PPFIA2: variants seen among roughly 807,000 people sequenced by gnomAD.
The protein encoded by PPFIA2 is PPFI scaffold protein A2, also known as liprin-alpha-2.
A neutral mutation model predicts 175.5 loss-of-function variants in PPFIA2; 46 were observed. That is an observed-to-expected ratio of 0.26 (90% confidence interval 0.21 to 0.34). The LOEUF is 0.34. PPFIA2 is among the 10% of genes least tolerant of loss of function. The pLI, the probability that PPFIA2 is intolerant of heterozygous loss-of-function variation, is 1.00. For synonymous variants in PPFIA2, 568 were observed against 511.4 expected (o/e 1.11, Z -1.49); for missense variants, 1,179 against 1,506.1 (o/e 0.78, Z 3.60).
chr12:81,689,458 A>G (rs1244869106), intron 3 of PPFIA2, among the ~76,000 whole-genome samples: 2 of 152,034 alleles, frequency 1.3e-5, no homozygotes, highest in African/African-American at 4.8e-5. Flanking sequence ...ACCAAATAAT[A>G]CTATTGAATG....
At chr12:81,418,722 A>C (rs2045752832) in intron 7 of PPFIA2, among the ~76,000 whole-genome samples, 1 of 151,984 alleles carries the variant, frequency 6.6e-6, no homozygotes, top group South Asian at 2.1e-4. Flanking sequence ...AAAACTGTTC[A>C]AATGGATACA....
chr12:81,380,962 CTGTGTGTGTGTGTGTGTGTGTGTG>C (rs71098139), intron 9 of PPFIA2, among the ~76,000 whole-genome samples: 1 of 137,500 alleles, frequency 7.3e-6, no homozygotes, highest in Non-Finnish European at 1.5e-5. Flanking sequence ...TTTCACAGTG[CTGTGTGTGTGTGTGTGTGTGTGTG>C]TGTGTGTGTG....
At chr12:81,707,322 C>A (rs1204739514) in intron 3 of PPFIA2, among the ~76,000 whole-genome samples, 5 of 151,964 alleles carry the variant, frequency 3.3e-5, no homozygotes, top group Non-Finnish European at 1.5e-5. Context: ...AACAAATTTA[C>A]AAGAAAAAAA....
intron 4 of PPFIA2, chr12:81,545,223 A>C (rs2066805774): frequency 2.0e-5 from 3 of 152,240 alleles, no homozygotes. Context: ...ACTGTTTACT[A>C]TTCCCTTTCC....
At chr12:81,267,322 T>TA (rs1303299094) in intron 29 of PPFIA2, 1 of 426,376 alleles carries the variant, frequency 2.3e-6, no homozygotes, top group African/African-American at 2.1e-5. Flanking sequence ...CTGAAATATG[T>TA]AAAAACAAAA....
intron 3 of PPFIA2, among the ~76,000 whole-genome samples, chr12:81,731,895 C>A (rs1057247277): frequency 1.3e-5 from 2 of 151,614 alleles, no homozygotes; most frequent in African/African-American, 4.8e-5. Context: ...CATGAGCTAT[C>A]AATTCTGGTT....
chr12:81,315,719 T>C (rs954124176), intron 22 of PPFIA2, among the ~76,000 whole-genome samples: 2 of 151,556 alleles, frequency 1.3e-5, no homozygotes, highest in South Asian at 4.1e-4. Flanking sequence ...GAATGGGTGA[T>C]CTATGTGGAT....
At chr12:81,542,440 G>A (rs999540913) in intron 4 of PPFIA2, among the ~76,000 whole-genome samples, 8 of 152,142 alleles carry the variant, frequency 5.3e-5, no homozygotes, top group Non-Finnish European at 1.2e-4. Context: ...CCACAGGGCA[G>A]ACACAGGAAA....
chr12:81,283,805 GT>G (rs1415564734), intron 25 of PPFIA2, among the ~76,000 whole-genome samples: 1 of 151,788 alleles, frequency 6.6e-6, no homozygotes. Flanking sequence ...TTTTTTGGGG[GT>G]TTTTTTGGTC....
chr12:81,619,472 A>C (rs1405273395), intron 4 of PPFIA2, among the ~76,000 whole-genome samples: 2 of 152,182 alleles, frequency 1.3e-5, no homozygotes, highest in African/African-American at 4.8e-5. Flanking sequence ...GGACTAGTTT[A>C]TATCTTCACT....
intron 4 of PPFIA2, among the ~76,000 whole-genome samples, chr12:81,658,631 T>C (rs996902545): frequency 9.9e-5 from 15 of 152,110 alleles, no homozygotes; most frequent in Admixed American, 6.5e-4. Context: ...ACCTGTTCTA[T>C]TTGCTGTAGA....
intron 21 of PPFIA2, among the ~76,000 whole-genome samples, chr12:81,333,533 G>C (rs1594956887): frequency 6.6e-6 from 1 of 152,100 alleles, no homozygotes; most frequent in Admixed American, 6.6e-5. Context: ...TAGCAGAGTA[G>C]AGTAGAAAAA....
intron 8 of PPFIA2, among the ~76,000 whole-genome samples, chr12:81,392,827 A>G (rs2040398176): frequency 2.0e-5 from 3 of 151,944 alleles, no homozygotes; most frequent in African/African-American, 7.2e-5. Context: ...ATTAGTGAGA[A>G]CTTCACTTTT....
chr12:81,596,018 T>C (rs887389202), intron 4 of PPFIA2, among the ~76,000 whole-genome samples: 9 of 152,172 alleles, frequency 5.9e-5, no homozygotes, highest in Admixed American at 3.3e-4. Flanking sequence ...AATTTAATCA[T>C]TTTCTCAAGA....
chr12:81,754,207 C>A lies in PPFIA2; in HGVS notation c.15G>T (p.Val5=), dbSNP rs979194760. The part of the protein sequence containing the change: MMCE[V]MPTINEDTPM... ...GGGTGTCCTCATTAATCGTGGGCAT[C>A]ACTTCACACATCATTGCTTAAAGAA... Residue 5 remains valine (V), a synonymous_variant, in exon 3 of 33, where the codon GTG becomes GTT. Transcript: ENST00000549396. The A allele has an allele frequency of 5.6e-6, 9 of 1,603,494 alleles. No homozygotes were observed. The South Asian group carries it at 1.0e-4, about 18-fold the overall frequency.
intron 4 of PPFIA2, among the ~76,000 whole-genome samples, chr12:81,532,859 A>T (rs536897013): frequency 1.2e-4 from 18 of 151,746 alleles, no homozygotes; most frequent in Non-Finnish European, 4.4e-5. Flanking sequence ...TAAAATTATT[A>T]TTTGCATTTC....
At chr12:81,487,636 A>G (rs752499936) in intron 4 of PPFIA2, among the ~76,000 whole-genome samples, 8 of 151,788 alleles carry the variant, frequency 5.3e-5, no homozygotes, top group Non-Finnish European at 1.2e-4. Context: ...AGTGGCAATA[A>G]TCAGCTTCCA....
chr12:81,487,940 A>G (rs1288510185), intron 4 of PPFIA2, among the ~76,000 whole-genome samples: 1 of 151,970 alleles, frequency 6.6e-6, no homozygotes, highest in Non-Finnish European at 1.5e-5. Flanking sequence ...TATGTTTAAC[A>G]TCTGCATTTC....
intron 22 of PPFIA2, among the ~76,000 whole-genome samples, chr12:81,304,674 G>T (rs2138626708): frequency 6.6e-6 from 1 of 152,110 alleles, no homozygotes; most frequent in Non-Finnish European, 1.5e-5. Flanking sequence ...TTAAATGTTT[G>T]AGCAACTGAT....
Sources: allele counts gnomAD v4.1 joint callset (sites outside exome capture counted in the v4.1 genomes callset), GRCh38; gene constraint gnomAD v4.1.1; transcripts MANE v1.5; gene names NCBI Gene and HGNC (gene_info 2026-07-23, HGNC 2026-07-21).